The following SLC25A12 variants were observed in gnomAD, a reference collection of about 807,000 sequenced individuals.
SLC25A12 encodes solute carrier family 25 member 12.
In SLC25A12, 32 loss-of-function variants were observed where a neutral mutation model predicts 83.3. The ratio of observed to expected loss-of-function variants is 0.38; its 90% CI spans 0.29 to 0.52. SLC25A12 has a LOEUF of 0.52. Among genes scored for constraint, SLC25A12 ranks in the 20% least tolerant of loss-of-function variants. The pLI is 0.84. For missense variants in SLC25A12, 611 were observed against 835.6 expected (o/e 0.73, Z 3.31); for synonymous variants, 267 against 291.1 (o/e 0.92, Z 0.84).
At chr2:171,811,045 C>A (rs543779595) in intron 11 of SLC25A12, among the ~76,000 whole-genome samples, 8 of 152,220 alleles carry the variant, frequency 5.3e-5, no homozygotes, top group Non-Finnish European at 8.8e-5. Flanking sequence ...ATCTGTTGGG[C>A]TCAGCTTTCT....
At position 171,863,149 on chromosome 2, in the gene SLC25A12, C is replaced by T. The variant is rs1034042363; in HGVS notation, c.209+5532G>A. Among the ~76,000 whole-genome samples, 47 of 152,150 alleles carry T rather than the reference C, an allele frequency of 3.1e-4. 1 individual carries two copies. The highest frequency in any genetic ancestry group is 4.4e-5 in the Non-Finnish European group (3 of 68,042). ...AACTCCTGGCCTCAAGCGATCCTCC[C>T]GCCTCAGCCTCCCAAAGTGCTGAGA... On this transcript the variant is annotated intron_variant, in intron 3 of 17. Transcript: ENST00000422440.
chr2:171,828,355 C>G (rs1185924726), intron 8 of SLC25A12, among the ~76,000 whole-genome samples: 2 of 152,230 alleles, frequency 1.3e-5, no homozygotes, highest in African/African-American at 4.8e-5. Flanking sequence ...ATGTTTCAGT[C>G]AACTTAAGCC....
intron 11 of SLC25A12, among the ~76,000 whole-genome samples, chr2:171,812,720 ATCTC>A (rs1683972055): frequency 6.6e-6 from 1 of 151,820 alleles, no homozygotes; most frequent in African/African-American, 2.4e-5. Flanking sequence ...GCGAAAGAAA[ATCTC>A]TCTGTTTTGA....
chr2:171,886,927 T>C (rs939046434), intron 2 of SLC25A12, among the ~76,000 whole-genome samples: 3 of 152,226 alleles, frequency 2.0e-5, no homozygotes, highest in Non-Finnish European at 4.4e-5. Flanking sequence ...GCCAGCTTGC[T>C]TTTCAGAGTC....
chr2:171,869,167 T>C (rs1481926894), intron 2 of SLC25A12, among the ~76,000 whole-genome samples: 1 of 152,112 alleles, frequency 6.6e-6, no homozygotes, highest in East Asian at 1.9e-4. Context: ...TGCCAGGAGC[T>C]GAAAGGAGAG....
intron 3 of SLC25A12, among the ~76,000 whole-genome samples, chr2:171,862,498 C>A (rs961823240): frequency 6.6e-6 from 1 of 152,138 alleles, no homozygotes; most frequent in Non-Finnish European, 1.5e-5. Context: ...GCACCCATAT[C>A]CAAACACTCC....
intron 4 of SLC25A12, among the ~76,000 whole-genome samples, chr2:171,847,227 T>G (rs1003571172): frequency 1.9e-4 from 29 of 152,264 alleles, no homozygotes; most frequent in African/African-American, 6.8e-4. Flanking sequence ...AGATGTATTC[T>G]ACTTCTCTTC....
At position 171,837,147 on chromosome 2, in the gene SLC25A12, G is replaced by T. The variant is rs1307835595; in HGVS notation, c.586C>A (p.Pro196Thr). The change falls in exon 6 of 18, where the codon CCT becomes ACT. Residue 196 changes from proline to threonine, a missense_variant. By Grantham distance (38) the Pro-to-Thr change is conservative. Coordinates refer to ENST00000422440, the MANE Select transcript of SLC25A12 (RefSeq NM_003705.5). ...MVTIRSHMLT[P>T]FVEENLVSAA... is the part of the protein sequence containing the mutation. The stretch of plus-strand genomic sequence containing the variant: ...GAAACTAAGTTCTCCTCCACAAAAG[G>T]AGTAAGCATGTGAGATCTAATGGTA... The T allele has an allele frequency of 6.2e-7, 1 of 1,613,994 alleles. No individual in the cohort carries two copies. Among genetic ancestry groups the T allele is most frequent in the Non-Finnish European group, 8.5e-7 (1 of 1,179,950 alleles).
chr2:171,791,163 G>T (rs1683445414), intron 15 of SLC25A12, among the ~76,000 whole-genome samples: 1 of 152,026 alleles, frequency 6.6e-6, no homozygotes, highest in African/African-American at 2.4e-5. Context: ...AGGTTTCAGG[G>T]GCACAGGAAA....
chr2:171,854,771 A>G (rs1272541304), intron 4 of SLC25A12, among the ~76,000 whole-genome samples: 1 of 152,190 alleles, frequency 6.6e-6, no homozygotes, highest in Non-Finnish European at 1.5e-5. Context: ...CATTGCAGTG[A>G]TAATTTTTCC....
rs1558924757 is a variant in SLC25A12, at chr2:171,834,826, A to G, written c.652T>C (p.Tyr218His). The change falls in exon 7 of 18, where the codon TAC becomes CAC. Residue 218 changes from tyrosine to histidine, a missense_variant. Around this residue, in one of 3 missense-constraint regions of SLC25A12, gnomAD observed 540 missense variants for 777.5 expected, o/e 0.69. Coordinates refer to ENST00000422440, the MANE Select transcript of SLC25A12 (RefSeq NM_003705.5). ...AGTAACGAGTTAAATGCATTGAAGT[A>G]GGAGAAGCTAACCTGGTGTGAGATA... ...GSISHQVSFSYFNAFNSLLNN... is the reference protein window; with the variant it reads ...GSISHQVSFSHFNAFNSLLNN... 1 of 1,613,946 alleles carries G rather than the reference A, an allele frequency of 6.2e-7. No homozygotes were observed. The highest frequency in any genetic ancestry group is 1.6e-4 in the Middle Eastern group (1 of 6,062).
At chr2:171,865,554 G>C (rs983422797) in intron 3 of SLC25A12, among the ~76,000 whole-genome samples, 2 of 151,910 alleles carry the variant, frequency 1.3e-5, no homozygotes, top group Non-Finnish European at 2.9e-5. Context: ...CCAGCTACTT[G>C]GGAGACTGAG....
chr2:171,833,451 T>C (rs758661842), intron 8 of SLC25A12, among the ~76,000 whole-genome samples: 2 of 152,100 alleles, frequency 1.3e-5, no homozygotes, highest in African/African-American at 2.4e-5. Flanking sequence ...CAGGGAGCCT[T>C]CACTTCAGTC....
chr2:171,831,241 C>T (rs1684424701), intron 8 of SLC25A12, among the ~76,000 whole-genome samples: 2 of 152,158 alleles, frequency 1.3e-5, no homozygotes, highest in Non-Finnish European at 2.9e-5. Flanking sequence ...CAGAAGGTGC[C>T]ACAGACCCCA....
chr2:171,824,362 C>G (rs12614709), intron 9 of SLC25A12, among the ~76,000 whole-genome samples: 32,515 of 152,046 alleles, frequency 0.21, 4,199 homozygotes, highest in East Asian at 0.58. Context: ...GATATGGCCT[C>G]TAGGAAAATT....
rs1397262151 is a variant in SLC25A12 at position 171,783,743 on chromosome 2, GTAT to G, written c.*1528_*1530del. ...AACAAGTGGTAGTAGCAAAACAACT[GTAT>G]TATTATTTGTTCCACTCCCATGAGA... On this transcript the variant is annotated 3_prime_UTR_variant, in exon 18 of 18. Transcript: ENST00000422440. 6.6e-6 allele frequency among the ~76,000 whole-genome samples: 1 copy of G among 152,124 alleles called. No homozygotes were observed. The highest frequency in any genetic ancestry group is 1.5e-5 in the Non-Finnish European group (1 of 68,024).
chr2:171,871,660 G>C lies in SLC25A12; in HGVS notation c.67-2837C>G, dbSNP rs375624151. Reference sequence around the variant, plus strand: ...GTAATAGCGACTTCCTAGTTTCCCTGTCCCAAGTTAGTTCCTCTCTCCTCC... The same window carrying C: ...GTAATAGCGACTTCCTAGTTTCCCTCTCCCAAGTTAGTTCCTCTCTCCTCC... On this transcript the variant is annotated intron_variant, in intron 2 of 17. Transcript: ENST00000422440. 3.2e-6 allele frequency: 3 copies of C among 934,226 alleles called. No homozygotes were observed. In the East Asian group the frequency reaches 3.5e-4, roughly 110 times the overall value. The allele number at this position is 934,226 out of a possible 1,614,324, so 57.9% of individuals were successfully genotyped here.
At chr2:171,864,988 A>G (rs998829137) in intron 3 of SLC25A12, among the ~76,000 whole-genome samples, 24 of 152,270 alleles carry the variant, frequency 1.6e-4, no homozygotes, top group African/African-American at 5.8e-4. Context: ...AAATAAATAG[A>G]GAAATAAATT....
At chr2:171,801,686 CAT>C (rs1444114958) in intron 13 of SLC25A12, among the ~76,000 whole-genome samples, 1 of 152,146 alleles carries the variant, frequency 6.6e-6, no homozygotes, top group Non-Finnish European at 1.5e-5. Flanking sequence ...CAATAAATTA[CAT>C]GAGATATCCA....
Sources: allele counts gnomAD v4.1 joint callset (sites outside exome capture counted in the v4.1 genomes callset), GRCh38; gene constraint gnomAD v4.1.1; regional missense constraint gnomAD v4.1.1; transcripts MANE v1.5; gene names NCBI Gene and HGNC (gene_info 2026-07-23, HGNC 2026-07-21).